The following MAP4K1 variants were observed in gnomAD, a reference collection of about 807,000 sequenced individuals.
MAP4K1 encodes the protein MAPK/ERK kinase kinase kinase 1.
A neutral mutation model predicts 122.8 loss-of-function variants in MAP4K1; 35 were observed. The observed-to-expected ratio is 0.29, with a 90% CI of 0.22 to 0.38. MAP4K1 has a LOEUF of 0.38. Among genes scored for constraint, MAP4K1 ranks in the 10% least tolerant of loss-of-function variants. The pLI is 1.00. For synonymous variants in MAP4K1, 412 were observed against 421.3 expected (o/e 0.98, Z 0.27); for missense variants, 791 against 1,072.6 (o/e 0.74, Z 3.67).
At chr19:38,613,839 AC>A (rs761241983) in intron 8 of MAP4K1, 40 bp downstream of exon 8, 103 of 1,514,584 alleles carry the variant, frequency 6.8e-5, no homozygotes, top group Middle Eastern at 2.2e-4. Context: ...AAAACCACTG[AC>A]CCCCACTCCA....
In MAP4K1 at chr19:38,590,228, C is replaced by G. The variant is rs1344096500; in HGVS notation, c.2397-2411G>C. Among the ~76,000 whole-genome samples, 8 of 150,984 alleles carry G rather than the reference C, an allele frequency of 5.3e-5. No homozygotes were observed. The East Asian group carries it at 1.6e-3, about 29-fold the overall frequency. On this transcript the variant is annotated intron_variant, in intron 30 of 30. Transcript: ENST00000396857. ...ATTCAGAACGTGGAAACCTCAAACACAGTTAAGGGACATTTTAGAAAACAA... is the reference window on the plus strand; with the variant it reads ...ATTCAGAACGTGGAAACCTCAAACAGAGTTAAGGGACATTTTAGAAAACAA...
chr19:38,617,765 G>A lies in MAP4K1; in HGVS notation c.99+32C>T. ...GGGCTTGCCTTAAAGGTCACTGGTT[G>A]TAGGGTGTTGGGGACAGAGGGGCTT... On this transcript the variant is annotated intron_variant, in intron 1 of 30. Coordinates refer to ENST00000396857, the MANE Select transcript of MAP4K1 (RefSeq NM_001042600.3). This position sits in a 1 kb window ranked among gnomAD's most constrained non-coding sequence, Gnocchi z 4.1. 3 of 1,611,594 alleles carry A rather than the reference G, an allele frequency of 1.9e-6. No homozygotes were observed. Among genetic ancestry groups the A allele is most frequent in the Non-Finnish European group, 2.5e-6 (3 of 1,177,678 alleles).
At chr19:38,609,268 T>G in intron 13 of MAP4K1, among the ~76,000 whole-genome samples, 1 of 151,960 alleles carries the variant, frequency 6.6e-6, no homozygotes, top group African/African-American at 2.4e-5. Flanking sequence ...CCAAGTAGCT[T>G]GGACTACAGG....
rs768551198 is a variant in MAP4K1 at position 38,601,539 on chromosome 19, C to T, written c.1447-14G>A. Reference sequence around the variant, plus strand: ...AAGGGCACATCCCTGGGCAGGTCGCCGCGGGGCCAGGCAGCAGATCCGGCA... The same window carrying T: ...AAGGGCACATCCCTGGGCAGGTCGCTGCGGGGCCAGGCAGCAGATCCGGCA... On this transcript the variant is annotated splice_polypyrimidine_tract_variant and intron_variant, in intron 19 of 30. Coordinates refer to ENST00000396857, the MANE Select transcript of MAP4K1 (RefSeq NM_001042600.3). 5.0e-6 allele frequency: 8 copies of T among 1,592,914 alleles called. No homozygotes were observed. The highest frequency in any genetic ancestry group is 2.3e-5 in the East Asian group (1 of 44,252).
chr19:38,602,705 T>C (rs908998112), intron 19 of MAP4K1, among the ~76,000 whole-genome samples: 5 of 147,032 alleles, frequency 3.4e-5, no homozygotes, highest in Non-Finnish European at 7.5e-5. Flanking sequence ...CACATATACA[T>C]GTATACATAT....
chr19:38,589,356 G>T, intron 30 of MAP4K1: 1 of 224,872 alleles, frequency 4.4e-6, no homozygotes. Context: ...GTGAAAATCT[G>T]ATGAGAAACA....
rs1224605542 is a variant in MAP4K1, at chr19:38,601,521, C to T, written c.1451G>A (p.Cys484Tyr). Residue 484 changes from cysteine to tyrosine, a missense_variant, in exon 20 of 31, where the codon TGT becomes TAT. Physicochemically the swap from Cys to Tyr is radical, Grantham distance 194. Coordinates refer to ENST00000396857, the MANE Select transcript of MAP4K1 (RefSeq NM_001042600.3). ...ATTGAACAACTTTACGAGAAGGGCACATCCCTGGGCAGGTCGCCGCGGGGC... is the reference window on the plus strand; with the variant it reads ...ATTGAACAACTTTACGAGAAGGGCATATCCCTGGGCAGGTCGCCGCGGGGC... ...PKKEKMKRKG[C>Y]ALLVKLFNGC... is the part of the protein sequence containing the mutation. The T allele has an allele frequency of 1.0e-5, 16 of 1,605,662 alleles. No homozygotes were observed. Among genetic ancestry groups the T allele is most frequent in the African/African-American group, 1.3e-5 (1 of 74,898 alleles).
rs554313080 is a variant in MAP4K1 at position 38,607,464 on chromosome 19, A to G, written c.1157+400T>C. 6.0e-5 allele frequency among the ~76,000 whole-genome samples: 9 copies of G among 151,124 alleles called. No homozygotes were observed. In the East Asian group the frequency reaches 1.8e-3, roughly 30 times the overall value. The stretch of plus-strand genomic sequence containing the variant: ...AATCCCAGCTACTCAGGAGGCTGAG[A>G]CAGGAGAATCGCTTGAACCCGGGGA... On this transcript the variant is annotated intron_variant, in intron 16 of 30. Transcript: ENST00000396857.
chr19:38,610,090 A>G (rs1396884171), intron 11 of MAP4K1, 65 bp from the exon 12 acceptor site: 15 of 1,176,894 alleles, frequency 1.3e-5, no homozygotes, highest in Non-Finnish European at 1.7e-5. Context: ...TGGTGTGGAC[A>G]GAGAGGACTG....
Position 38,609,587 on chromosome 19 carries a change from T to G in MAP4K1, c.1006+9A>C. The G allele has an allele frequency of 6.2e-7, 1 of 1,612,706 alleles. No individual in the cohort carries two copies. Among genetic ancestry groups the G allele is most frequent in the African/African-American group, 1.3e-5 (1 of 75,028 alleles). ...CAGGTGTCCCCAAACATAAGGATTC[T>G]CTACTCACGACAGCAGTCTGCATCT... On this transcript the variant is annotated intron_variant, in intron 13 of 30. Transcript: ENST00000396857.
At chr19:38,598,886 GC>G (rs1328510849) in intron 22 of MAP4K1, among the ~76,000 whole-genome samples, 10 of 150,722 alleles carry the variant, frequency 6.6e-5, no homozygotes, top group Admixed American at 6.0e-4. Context: ...GGTGGCAGGT[GC>G]CTGTAATCCC....
At chr19:38,591,295 G>A (rs1228057920) in intron 30 of MAP4K1, among the ~76,000 whole-genome samples, 1 of 152,068 alleles carries the variant, frequency 6.6e-6, no homozygotes, top group Admixed American at 6.6e-5. Context: ...TTGGGAGGCA[G>A]AGGTGGGTGG....
rs1274662266 is a variant in MAP4K1 at position 38,617,441 on chromosome 19, T to C, written c.161A>G (p.Asp54Gly). 1 of 1,612,174 alleles carries C rather than the reference T, an allele frequency of 6.2e-7. No homozygotes were observed. Residue 54 changes from aspartate (D) to glycine (G), a missense_variant, in exon 3 of 31, where the codon GAT becomes GGT. This residue lies in a region of MAP4K1 where 163 missense variants were observed against 286.1 expected (regional missense o/e 0.57). Transcript: ENST00000396857. The surrounding 1 kb of genome is among the most constrained non-coding windows in gnomAD (Gnocchi z 4.1). ...ALKMVKMEPDDDVSTLQKEIL... is the reference protein window; with the variant it reads ...ALKMVKMEPDGDVSTLQKEIL... The stretch of plus-strand genomic sequence containing the variant: ...TTCCTTCTGAAGGGTGGAGACATCA[T>C]CATCTGTGAGGAGGGCGGGAGAGAA...
At chr19:38,599,880 C>A in intron 22 of MAP4K1, 45 bp downstream of exon 22, 1 of 1,587,482 alleles carries the variant, frequency 6.3e-7, no homozygotes, top group Non-Finnish European at 8.7e-7. Context: ...AACCCTTGGA[C>A]CCCTTAACTT....
At chr19:38,595,606 C>G in intron 28 of MAP4K1, 34 bp downstream of exon 28, 1 of 1,613,934 alleles carries the variant, frequency 6.2e-7, no homozygotes, top group Non-Finnish European at 8.5e-7. Flanking sequence ...GAGTTTCCAC[C>G]CCTGATCCTG....
Position 38,605,555 on chromosome 19 carries a change from C to A in MAP4K1, c.1363+13G>T. The stretch of plus-strand genomic sequence containing the variant: ...CCAACCCTCCCGCCCTCCACCCTAG[C>A]CTGTCCCATTACCTGAATGGGCGGT... On this transcript the variant is annotated intron_variant, in intron 18 of 30. Transcript: ENST00000396857. 1 of 1,535,872 alleles carries A rather than the reference C, an allele frequency of 6.5e-7. No homozygotes were observed. The highest frequency in any genetic ancestry group is 8.8e-7 in the Non-Finnish European group (1 of 1,142,212).
chr19:38,605,213 G>A (rs1470424942), intron 19 of MAP4K1, among the ~76,000 whole-genome samples, 196 bp downstream of exon 19: 1 of 152,006 alleles, frequency 6.6e-6, no homozygotes, highest in Non-Finnish European at 1.5e-5. Flanking sequence ...TGAAATGGGG[G>A]ATAACATCTC....
rs1975674210 is a variant in MAP4K1 at position 38,617,274 on chromosome 19, C to G, written c.248+80G>C. ...AGAAAAAGAAAAGAAAAAAAAAGAA[C>G]TGAGGGTACCCCCATCAAGAAATGG... is the stretch of plus-strand genomic sequence containing the variant. On this transcript the variant is annotated intron_variant, in intron 3 of 30. Transcript: ENST00000396857. The surrounding 1 kb of genome is among the most constrained non-coding windows in gnomAD (Gnocchi z 4.1). 1 of 925,298 alleles carries G rather than the reference C, an allele frequency of 1.1e-6. No individual in the cohort carries two copies. The allele number at this position is 925,298 out of a possible 1,614,324, so 57.3% of individuals were successfully genotyped here. A position where few individuals can be genotyped will look rare whatever the true frequency, so the allele number is the denominator to read the frequency against.
rs1599715080 is a variant in MAP4K1 at position 38,609,773 on chromosome 19, C to T, written c.928-99G>A. 24 of 1,329,986 alleles carry T rather than the reference C, an allele frequency of 1.8e-5. No individual in the cohort carries two copies. The East Asian group carries it at 5.1e-4, about 28-fold the overall frequency. The allele number at this position is 1,329,986 out of a possible 1,614,324, so 82.4% of individuals were successfully genotyped here. ...TCTCTCCTGTAACCCTCTGGGCACA[C>T]AGCCTTTTACCAAGCTCCCCATCCT... On this transcript the variant is annotated intron_variant, in intron 12 of 30. Coordinates refer to ENST00000396857, the MANE Select transcript of MAP4K1 (RefSeq NM_001042600.3).
Sources: allele counts gnomAD v4.1 joint callset (sites outside exome capture counted in the v4.1 genomes callset), GRCh38; gene constraint gnomAD v4.1.1; regional missense constraint gnomAD v4.1.1; non-coding constraint Gnocchi (gnomAD v3.1); transcripts MANE v1.5; gene names NCBI Gene and HGNC (gene_info 2026-07-23, HGNC 2026-07-21).